Variants in MGAT5 observed in about 807,000 individuals in gnomAD.
MGAT5 encodes the protein alpha-1,6-mannosylglycoprotein 6-beta-N-acetylglucosaminyltransferase A.
Under a neutral mutation model 94.3 loss-of-function variants are expected in MGAT5, and 30 were observed. The ratio of observed to expected loss-of-function variants is 0.32; its 90% confidence interval spans 0.24 to 0.43. The LOEUF (loss-of-function observed/expected upper bound fraction) is 0.43, where lower values mean the gene tolerates loss of function less well. Ranked by LOEUF, MGAT5 falls within the 20% of genes least tolerant of loss-of-function variation. MGAT5 has a pLI of 1.00. For synonymous variants in MGAT5, 310 were observed against 322.9 expected (o/e 0.96, Z 0.43); for missense variants, 691 against 905.5 (o/e 0.76, Z 3.04).
chr2:134,156,369 C>T (rs1212369907), intron 1 of MGAT5, among the ~76,000 whole-genome samples: 1 of 152,122 alleles, frequency 6.6e-6, no homozygotes, highest in Non-Finnish European at 1.5e-5. Flanking sequence ...TAAGTTCGTC[C>T]AGGTCTCTGT....
chr2:134,228,455 C>T (rs772017385), intron 1 of MGAT5, among the ~76,000 whole-genome samples: 1 of 152,208 alleles, frequency 6.6e-6, no homozygotes, highest in Non-Finnish European at 1.5e-5. Context: ...AAATATCTGA[C>T]ATTTTCCAGA....
At chr2:134,291,199 C>T (rs1046660018) in intron 2 of MGAT5, among the ~76,000 whole-genome samples, 8 of 152,136 alleles carry the variant, frequency 5.3e-5, no homozygotes, top group African/African-American at 1.9e-4. Context: ...GAGATCCTAA[C>T]CCCCAAGGCG....
chr2:134,396,627 G>A (rs1682726275), intron 10 of MGAT5, among the ~76,000 whole-genome samples: 1 of 152,234 alleles, frequency 6.6e-6, no homozygotes, highest in Non-Finnish European at 1.5e-5. Flanking sequence ...CAGGTGGAAA[G>A]TGAAGGAATG....
intron 1 of MGAT5, among the ~76,000 whole-genome samples, chr2:134,245,904 TTTTCC>T (rs1682232530): frequency 6.6e-6 from 1 of 151,398 alleles, no homozygotes; most frequent in African/African-American, 2.4e-5. Flanking sequence ...GCATTGGAGG[TTTTCC>T]TTTCTCTGCC....
chr2:134,362,559 C>G, intron 10 of MGAT5, 151 bp downstream of exon 10: 1 of 1,065,024 alleles, frequency 9.4e-7, no homozygotes, highest in East Asian at 2.4e-5. Flanking sequence ...TTCAGTTGCT[C>G]AGCATTTGGG....
intron 10 of MGAT5, among the ~76,000 whole-genome samples, chr2:134,402,750 A>G (rs757335377): frequency 2.0e-5 from 3 of 152,238 alleles, no homozygotes; most frequent in Non-Finnish European, 4.4e-5. Flanking sequence ...ATATGTTGCC[A>G]TATAATGTAT....
chr2:134,449,418 G>C lies in MGAT5; in HGVS notation c.*571G>C, dbSNP rs1574128799. ...TGGCCTGCTCAGGGACAGCCATGGGGACCTGGCAGCTCAAAACAGATGGCA... is the reference window on the plus strand; with the variant it reads ...TGGCCTGCTCAGGGACAGCCATGGGCACCTGGCAGCTCAAAACAGATGGCA... On this transcript the variant is annotated 3_prime_UTR_variant, in exon 16 of 16. Coordinates refer to ENST00000281923, the MANE Select transcript of MGAT5 (RefSeq NM_002410.5). 1 of 155,978 alleles carries C rather than the reference G, an allele frequency of 6.4e-6. No individual in the cohort carries two copies. The highest frequency in any genetic ancestry group is 2.4e-5 in the African/African-American group (1 of 41,576). 9.7% of individuals were successfully genotyped at this position (155,978 alleles called of 1,614,324 possible).
chr2:134,421,796 C>T (rs1365334165), intron 12 of MGAT5, among the ~76,000 whole-genome samples: 1 of 152,110 alleles, frequency 6.6e-6, no homozygotes, highest in African/African-American at 2.4e-5. Flanking sequence ...GGCTAGAATG[C>T]TCCCTTTACA....
At chr2:134,284,259 C>T (rs755696675) in intron 2 of MGAT5, among the ~76,000 whole-genome samples, 23 of 152,276 alleles carry the variant, frequency 1.5e-4, no homozygotes, top group Admixed American at 8.5e-4. Flanking sequence ...ATTTACATAG[C>T]CTGTGTCAGG....
chr2:134,217,238 G>GTGT (rs1553495170), intron 1 of MGAT5, among the ~76,000 whole-genome samples: 1 of 145,114 alleles, frequency 6.9e-6, no homozygotes, highest in Non-Finnish European at 1.5e-5. Context: ...GAGAGAGAGT[G>GTGT]GTGTGTGTGT....
chr2:134,214,134 A>G (rs1307506461), intron 1 of MGAT5, among the ~76,000 whole-genome samples: 1 of 152,080 alleles, frequency 6.6e-6, no homozygotes, highest in Non-Finnish European at 1.5e-5. Flanking sequence ...GGCCTTCATA[A>G]TTTCCCAAGT....
intron 1 of MGAT5, among the ~76,000 whole-genome samples, chr2:134,219,672 G>C (rs1250500461): frequency 6.6e-6 from 1 of 152,138 alleles, no homozygotes; most frequent in Non-Finnish European, 1.5e-5. Flanking sequence ...TCACTACTAA[G>C]TTGTTGGGAC....
chr2:134,402,982 C>T lies in MGAT5; in HGVS notation c.1381-6C>T. ...AGAAATGTCTTGTGCTTGTTTTCTT[C>T]TTTAGAATAAGAAGATCTACTTGGA... On this transcript the variant is annotated splice_region_variant and splice_polypyrimidine_tract_variant and intron_variant, in intron 10 of 15. Transcript: ENST00000281923. 6.3e-7 allele frequency: 1 copy of T among 1,581,004 alleles called. No homozygotes were observed. Among genetic ancestry groups the T allele is most frequent in the Non-Finnish European group, 8.6e-7 (1 of 1,168,048 alleles).
intron 1 of MGAT5, among the ~76,000 whole-genome samples, chr2:134,147,301 T>C (rs1686963701): frequency 6.6e-6 from 1 of 152,150 alleles, no homozygotes; most frequent in African/African-American, 2.4e-5. Flanking sequence ...CAAATTTAGA[T>C]TAAAGAAAAA....
chr2:134,411,311 A>C (rs768792733), intron 11 of MGAT5, among the ~76,000 whole-genome samples: 1 of 151,708 alleles, frequency 6.6e-6, no homozygotes, highest in Non-Finnish European at 1.5e-5. Context: ...CCTCACCACC[A>C]TCACCCCCAC....
chr2:134,372,072 A>G (rs774372048), intron 10 of MGAT5, among the ~76,000 whole-genome samples: 3 of 152,090 alleles, frequency 2.0e-5, no homozygotes, highest in Non-Finnish European at 4.4e-5. Context: ...GGAAATCTGT[A>G]TGCTCCAACA....
At chr2:134,427,139 G>A (rs1472820423) in intron 13 of MGAT5, among the ~76,000 whole-genome samples, 1 of 152,076 alleles carries the variant, frequency 6.6e-6, no homozygotes, top group African/African-American at 2.4e-5. Context: ...TCTGTTCATT[G>A]TCCCATTTTC....
intron 12 of MGAT5, among the ~76,000 whole-genome samples, chr2:134,421,366 T>C (rs773675832): frequency 6.6e-6 from 1 of 152,114 alleles, no homozygotes; most frequent in Non-Finnish European, 1.5e-5. Flanking sequence ...GGTGGATCAC[T>C]TGAGGCCAGG....
At chr2:134,224,131 CATTT>C (rs1434521291) in intron 1 of MGAT5, among the ~76,000 whole-genome samples, 1 of 152,076 alleles carries the variant, frequency 6.6e-6, no homozygotes, top group Non-Finnish European at 1.5e-5. Context: ...CTCGTCATGG[CATTT>C]ATTTATTGTT....
Sources: allele counts gnomAD v4.1 joint callset (sites outside exome capture counted in the v4.1 genomes callset), GRCh38; gene constraint gnomAD v4.1.1; transcripts MANE v1.5; gene names NCBI Gene and HGNC (gene_info 2026-07-23, HGNC 2026-07-21).